RANBP2: variants seen among roughly 807,000 people sequenced by gnomAD.
RANBP2 encodes the protein E3 SUMO-protein ligase RanBP2.
In RANBP2, 57 loss-of-function variants were observed where a neutral mutation model predicts 303.6. The ratio of observed to expected loss-of-function variants is 0.19; its 90% CI spans 0.15 to 0.23. The LOEUF (loss-of-function observed/expected upper bound fraction) is 0.23. Ranked by LOEUF, RANBP2 falls within the 10% of genes least tolerant of loss-of-function variation. RANBP2 has a pLI of 1.00. For synonymous variants in RANBP2, 1,167 were observed against 1,301.5 expected, an observed-to-expected ratio of 0.90 and a Z score of 2.23; for missense variants, 3,138 against 3,780.8, an observed-to-expected ratio of 0.83 and a Z score of 4.46.
At chr2:109,101,338 A>T in the RANBP2 span, among the ~76,000 whole-genome samples, 1 of 152,112 alleles carries the variant, frequency 6.6e-6, no homozygotes, top group Non-Finnish European at 1.5e-5. Context: ...CATCCTGGCT[A>T]AGACGGTGAA....
At chr2:109,068,370 T>C in the RANBP2 span, among the ~76,000 whole-genome samples, 4 of 152,096 alleles carry the variant, frequency 2.6e-5, no homozygotes. Flanking sequence ...CCACCCCAGA[T>C]GGCAACAGAG....
the RANBP2 span, among the ~76,000 whole-genome samples, chr2:109,049,846 C>G: frequency 3.6e-3 from 542 of 152,246 alleles, 2 homozygotes; most frequent in African/African-American, 0.012. Context: ...TTTTCCCGTT[C>G]GGGGCTATTC....
the RANBP2 span, among the ~76,000 whole-genome samples, chr2:109,763,641 C>T: frequency 6.7e-6 from 1 of 150,028 alleles, no homozygotes; most frequent in Non-Finnish European, 1.5e-5. Flanking sequence ...GAAAGTATAC[C>T]TGTTAATTAT....
chr2:109,440,161 A>G, the RANBP2 span, among the ~76,000 whole-genome samples: 7 of 152,334 alleles, frequency 4.6e-5, no homozygotes, highest in Middle Eastern at 3.4e-3. Flanking sequence ...AAGCAAAGCT[A>G]TGGAAGAAGG....
At chr2:108,891,021 A>T in the RANBP2 span, among the ~76,000 whole-genome samples, 5 of 150,960 alleles carry the variant, frequency 3.3e-5, no homozygotes, top group Non-Finnish European at 7.4e-5. Context: ...TTGGTTCTTT[A>T]AAAAAAATCT....
the RANBP2 span, among the ~76,000 whole-genome samples, chr2:109,006,472 G>T: frequency 6.6e-6 from 1 of 152,052 alleles, no homozygotes; most frequent in East Asian, 1.9e-4. Context: ...GGGATTACAG[G>T]CATGAGCCAC....
chr2:109,070,156 G>C, the RANBP2 span, among the ~76,000 whole-genome samples: 1 of 152,162 alleles, frequency 6.6e-6, no homozygotes, highest in East Asian at 1.9e-4. Context: ...AGTGTGCTAA[G>C]GGCCTGGAGC....
At chr2:108,872,398 A>G in the RANBP2 span, among the ~76,000 whole-genome samples, 1 of 152,208 alleles carries the variant, frequency 6.6e-6, no homozygotes, top group Non-Finnish European at 1.5e-5. Flanking sequence ...TTGGACTATT[A>G]CTGTGAAAGT....
chr2:109,390,918 G>C, the RANBP2 span, among the ~76,000 whole-genome samples: 1 of 152,218 alleles, frequency 6.6e-6, no homozygotes, highest in Admixed American at 6.5e-5. Flanking sequence ...GCTGTGGGCT[G>C]TGTGACAGCT....
At chr2:109,697,590 C>T in the RANBP2 span, among the ~76,000 whole-genome samples, 1 of 151,520 alleles carries the variant, frequency 6.6e-6, no homozygotes, top group East Asian at 1.9e-4. Flanking sequence ...ATTTTGTATC[C>T]TGTCATTTTG....
the RANBP2 span, among the ~76,000 whole-genome samples, chr2:109,632,768 G>A: frequency 6.6e-6 from 1 of 151,582 alleles, no homozygotes; most frequent in Non-Finnish European, 1.5e-5. Flanking sequence ...GCAGTGAGCC[G>A]AGATCACGCC....
the RANBP2 span, among the ~76,000 whole-genome samples, chr2:109,336,776 AT>A: frequency 6.6e-6 from 1 of 152,214 alleles, no homozygotes; most frequent in South Asian, 2.1e-4. Flanking sequence ...TTGTAACTAA[AT>A]ATCTGGAGTT....
At chr2:109,457,467 GT>G in the RANBP2 span, among the ~76,000 whole-genome samples, 1 of 152,244 alleles carries the variant, frequency 6.6e-6, no homozygotes, top group Admixed American at 6.5e-5. Flanking sequence ...ATGTGTAATA[GT>G]TGTGAGGGTT....
the RANBP2 span, among the ~76,000 whole-genome samples, chr2:109,350,270 G>T: frequency 2.0e-5 from 3 of 152,220 alleles, no homozygotes; most frequent in Non-Finnish European, 4.4e-5. Flanking sequence ...GTGACCTCTT[G>T]GTTGAATTGA....
chr2:108,891,930 C>T, the RANBP2 span, among the ~76,000 whole-genome samples: 5 of 151,932 alleles, frequency 3.3e-5, no homozygotes, highest in African/African-American at 1.2e-4. Context: ...GCTCAGGTAC[C>T]CAAGGTGGTG....
At chr2:109,152,341 C>T in the RANBP2 span, among the ~76,000 whole-genome samples, 1 of 152,156 alleles carries the variant, frequency 6.6e-6, no homozygotes, top group Non-Finnish European at 1.5e-5. Flanking sequence ...CTGCCCTTTC[C>T]CTGGTGCATT....
the RANBP2 span, among the ~76,000 whole-genome samples, chr2:109,658,356 G>T: frequency 2.6e-5 from 4 of 151,698 alleles, no homozygotes; most frequent in African/African-American, 9.7e-5. Flanking sequence ...CTGAGGCAGA[G>T]AATTGCTTGA....
rs777133494 is a variant in RANBP2, at chr2:108,764,838, T to G, written c.4299T>G (p.Ser1433=). The G allele has an allele frequency of 6.2e-7, 1 of 1,613,992 alleles. No individual in the cohort carries two copies. The highest frequency in any genetic ancestry group is 1.3e-5 in the African/African-American group (1 of 74,922). ...TAGTAAGAAATGAACCTACTGTATC[T>G]AGGTGCATTGCGTGTCAGAATACAA... The part of the protein sequence containing the change: ...ICLVRNEPTV[S]RCIACQNTKS... Residue 1433 remains serine, a synonymous_variant, in exon 20 of 29, where the codon TCT becomes TCG. Transcript: ENST00000283195.
chr2:109,007,953 G>T, the RANBP2 span, among the ~76,000 whole-genome samples: 1 of 152,212 alleles, frequency 6.6e-6, no homozygotes, highest in Non-Finnish European at 1.5e-5. Flanking sequence ...TACATTTCAG[G>T]GTAAGCCGAC....
Sources: gnomAD v4.1 joint callset for allele counts (sites outside exome capture counted in the v4.1 genomes callset) on GRCh38, gnomAD v4.1.1 for gene constraint, MANE v1.5 for transcripts, NCBI Gene and HGNC (gene_info 2026-07-23, HGNC 2026-07-21) for gene names.